Variants in CCDC93 observed in about 807,000 individuals in gnomAD.
CCDC93 encodes the protein coiled-coil domain-containing protein 93.
A neutral mutation model predicts 108.2 loss-of-function variants in CCDC93; 61 were observed. The ratio of observed to expected loss-of-function variants is 0.56; its 90% CI spans 0.46 to 0.70. The LOEUF (loss-of-function observed/expected upper bound fraction) is 0.70, where lower values mean the gene tolerates loss of function less well. CCDC93 is among the 30% of genes least tolerant of loss of function. The pLI is 0.00. For missense variants in CCDC93, 685 were observed against 764.2 expected (o/e 0.90, Z 1.22); for synonymous variants, 276 against 260.4 (o/e 1.06, Z -0.58).
At chr2:117,974,033 T>C (rs1013185442) in intron 10 of CCDC93, 39 bp from the exon 11 acceptor site, 6 of 1,340,148 alleles carry the variant, frequency 4.5e-6, no homozygotes, top group Admixed American at 1.8e-5. Context: ...AGGCCAAGCC[T>C]TGTCTTCCAT....
At chr2:118,009,957 C>T (rs1676980238) in intron 1 of CCDC93, among the ~76,000 whole-genome samples, 1 of 151,784 alleles carries the variant, frequency 6.6e-6, no homozygotes, top group Non-Finnish European at 1.5e-5. Flanking sequence ...CAGAGTCTCG[C>T]TCTGTCACCC....
chr2:117,946,834 T>G lies in CCDC93; in HGVS notation c.1273A>C (p.Arg425=). Residue 425 remains arginine, a synonymous_variant, in exon 16 of 24, where the codon AGA becomes CGA. Transcript: ENST00000376300. The part of the protein sequence containing the change: ...QQEIENLKAE[R]APRGDEKTLS... ...ACCTTTTCATCTCCACGTGGTGCTC[T>G]CTCAGCTTTCAGGTTTTCAATTTCT... 1.2e-6 allele frequency: 2 copies of G among 1,613,516 alleles called. No homozygotes were observed. Among genetic ancestry groups the G allele is most frequent in the Non-Finnish European group, 1.7e-6 (2 of 1,179,366 alleles).
rs1237979232 is a variant in CCDC93, at chr2:117,920,320, CAT to C, written c.*21_*22del. 2 of 1,590,320 alleles carry C rather than the reference CAT, an allele frequency of 1.3e-6. No individual in the cohort carries two copies. The highest frequency in any genetic ancestry group is 1.7e-6 in the Non-Finnish European group (2 of 1,159,882). ...CGGTGCTTAAAAGTAAAATCAATGA[CAT>C]ACAGCCACGGCTGGGGATGTTCAGG... On this transcript the variant is annotated 3_prime_UTR_variant, in exon 24 of 24. Transcript: ENST00000376300.
At chr2:117,977,338 G>T (rs1175721381) in intron 8 of CCDC93, among the ~76,000 whole-genome samples, 1 of 152,102 alleles carries the variant, frequency 6.6e-6, no homozygotes, top group Non-Finnish European at 1.5e-5. Context: ...CTCTCTGAGC[G>T]TTAGCTTTCT....
intron 13 of CCDC93, chr2:117,951,557 G>C (rs1177040574): frequency 2.0e-6 from 2 of 999,298 alleles, no homozygotes; most frequent in Non-Finnish European, 2.4e-6. Flanking sequence ...TGGTTTCGGA[G>C]ACGTCTTTGA....
Position 117,918,971 on chromosome 2 carries a change from G to A in CCDC93, c.*1372C>T, listed in dbSNP as rs1414571919. The A allele has an allele frequency of 1.3e-5, 2 of 152,170 alleles. No individual in the cohort carries two copies. Among genetic ancestry groups the A allele is most frequent in the East Asian group, 3.8e-4 (2 of 5,198 alleles). 9.4% of individuals were successfully genotyped at this position (152,170 alleles called of 1,614,324 possible). Reference sequence around the variant, plus strand: ...GACTAAAAATGAACACATTTCTGTGGCTGCTGAATGCCCCACTTGCTTGAC... The same window carrying A: ...GACTAAAAATGAACACATTTCTGTGACTGCTGAATGCCCCACTTGCTTGAC... On this transcript the variant is annotated 3_prime_UTR_variant, in exon 24 of 24. Transcript: ENST00000376300.
At chr2:117,933,037 G>T (rs1678397525) in intron 22 of CCDC93, among the ~76,000 whole-genome samples, 1 of 152,188 alleles carries the variant, frequency 6.6e-6, no homozygotes, top group Non-Finnish European at 1.5e-5. Flanking sequence ...AGTTAGTGTG[G>T]CAACCTAGAA....
intron 7 of CCDC93, among the ~76,000 whole-genome samples, chr2:117,983,093 C>T (rs1158896015): frequency 1.3e-5 from 2 of 152,176 alleles, no homozygotes; most frequent in East Asian, 1.9e-4. Context: ...TCCATCCACT[C>T]CCTGAAATCT....
intron 8 of CCDC93, among the ~76,000 whole-genome samples, chr2:117,977,764 C>T (rs986027275): frequency 6.6e-6 from 1 of 152,188 alleles, no homozygotes; most frequent in African/African-American, 2.4e-5. Flanking sequence ...TAGGCCACAA[C>T]TTTCAATCAC....
chr2:117,923,380 G>T (rs1366930865), intron 23 of CCDC93, among the ~76,000 whole-genome samples: 2 of 152,210 alleles, frequency 1.3e-5, no homozygotes, highest in Non-Finnish European at 2.9e-5. Context: ...AGAAAGGGGT[G>T]ACAGATGGCA....
At chr2:118,004,446 T>G (rs1676807111) in intron 3 of CCDC93, among the ~76,000 whole-genome samples, 2 of 152,172 alleles carry the variant, frequency 1.3e-5, no homozygotes, top group African/African-American at 4.8e-5. Flanking sequence ...GAAGACAGCT[T>G]GAGAGACAAC....
chr2:117,937,671 T>C (rs1408435495), intron 20 of CCDC93, among the ~76,000 whole-genome samples: 2 of 152,208 alleles, frequency 1.3e-5, no homozygotes, highest in Non-Finnish European at 2.9e-5. Flanking sequence ...TTAAGGTCTT[T>C]GGGAAGGGGC....
At chr2:117,949,489 T>A in intron 13 of CCDC93, 94 bp from the exon 14 acceptor site, 1 of 918,006 alleles carries the variant, frequency 1.1e-6, no homozygotes, top group Non-Finnish European at 1.7e-6. Flanking sequence ...TGACACTTTT[T>A]AAAGAAGAAA....
At chr2:118,007,438 G>A (rs564965153) in intron 2 of CCDC93, among the ~76,000 whole-genome samples, 3 of 152,338 alleles carry the variant, frequency 2.0e-5, no homozygotes, top group Admixed American at 1.3e-4. Context: ...TTGGGAGGCT[G>A]AGGCGGGTGG....
In CCDC93 at chr2:118,013,810, G is replaced by A. The variant is rs1324473319; in HGVS notation, c.42+144C>T. 4 of 696,426 alleles carry A rather than the reference G, an allele frequency of 5.7e-6. No individual in the cohort carries two copies. The African/African-American group carries it at 7.6e-5, about 13-fold the overall frequency. The allele number at this position is 696,426 out of a possible 1,614,324, so 43.1% of individuals were successfully genotyped here. ...CCTGCTCCCCGCCTCCAAGAAGAGG[G>A]TCGGCGCTTCCCTGAGGTGGATACG... On this transcript the variant is annotated intron_variant, in intron 1 of 23. Transcript: ENST00000376300.
chr2:117,920,731 G>T (rs1203947492), intron 23 of CCDC93, among the ~76,000 whole-genome samples: 1 of 151,928 alleles, frequency 6.6e-6, no homozygotes, highest in Admixed American at 6.5e-5. Context: ...GCCTACTATG[G>T]TGAGGGAGTG....
rs138302360 is a variant in CCDC93 at position 117,954,099 on chromosome 2, G to C, written c.1006-1664C>G. The stretch of plus-strand genomic sequence containing the variant: ...GAGCAGCCTAAATGGACTAAGACAA[G>C]GCTCTAGGAAAGGTCCCCGGGATCT... On this transcript the variant is annotated intron_variant, in intron 12 of 23. Coordinates refer to ENST00000376300, the MANE Select transcript of CCDC93 (RefSeq NM_019044.5). 7.9e-5 allele frequency among the ~76,000 whole-genome samples: 12 copies of C among 152,148 alleles called. 1 individual carries two copies. Among genetic ancestry groups the C allele is most frequent in the Non-Finnish European group, 1.6e-4 (11 of 68,028 alleles).
chr2:117,975,499 G>C lies in CCDC93; in HGVS notation c.658-219C>G, dbSNP rs1205717189. On this transcript the variant is annotated intron_variant, in intron 8 of 23. Transcript: ENST00000376300. ...GGCAAATGCCTGTTTCCATGTCCCA[G>C]CTGCTCACTGATTAAATTCAGGCCA... is the stretch of plus-strand genomic sequence containing the variant. Among the ~76,000 whole-genome samples the C allele has an allele frequency of 1.3e-5, 2 of 152,240 alleles. 1 individual carries two copies. Among genetic ancestry groups the C allele is most frequent in the Non-Finnish European group, 2.9e-5 (2 of 68,038 alleles).
At chr2:117,943,458 C>T (rs1221037698) in intron 18 of CCDC93, among the ~76,000 whole-genome samples, 1 of 152,194 alleles carries the variant, frequency 6.6e-6, no homozygotes, top group Non-Finnish European at 1.5e-5. Flanking sequence ...TAAGTAGGTG[C>T]CAGAGAGAGG....
Sources: gnomAD v4.1 joint callset for allele counts (sites outside exome capture counted in the v4.1 genomes callset) on GRCh38, gnomAD v4.1.1 for gene constraint, MANE v1.5 for transcripts, NCBI Gene and HGNC (gene_info 2026-07-23, HGNC 2026-07-21) for gene names.